CTTNBP2: variants seen among roughly 807,000 people sequenced by gnomAD.
CTTNBP2 encodes the protein cortactin binding protein 2.
Under a neutral mutation model 156.9 loss-of-function variants are expected in CTTNBP2, and 108 were observed. The ratio of observed to expected loss-of-function variants is 0.69; its 90% CI spans 0.59 to 0.81. CTTNBP2 has a LOEUF of 0.81. Ranked by LOEUF, CTTNBP2 falls within the 30% of genes least tolerant of loss-of-function variation. The probability of loss-of-function intolerance (pLI) is 0.00; values close to 1 mark genes in which losing one functional copy is unlikely to be tolerated. For synonymous variants in CTTNBP2, 767 were observed against 751.8 expected (o/e 1.02, Z -0.33); for missense variants, 1,924 against 2,035.4 (o/e 0.95, Z 1.05).
chr7:117,749,965 G>C (rs1365573458), intron 12 of CTTNBP2, among the ~76,000 whole-genome samples: 1 of 152,128 alleles, frequency 6.6e-6, no homozygotes, highest in Non-Finnish European at 1.5e-5. Flanking sequence ...TTTTAAACCG[G>C]AGCTCTTGAG....
chr7:117,856,573 C>T (rs10236898), intron 2 of CTTNBP2, among the ~76,000 whole-genome samples: 4 of 152,070 alleles, frequency 2.6e-5, no homozygotes, highest in African/African-American at 4.8e-5. Context: ...GTTAAACTGG[C>T]TAATTTTTAA....
Position 117,746,069 on chromosome 7 carries a change from C to T in CTTNBP2, c.3379G>A (p.Gly1127Ser), listed in dbSNP as rs1438271487. ...TAGTCTTGCAAGCTTCCTTCTGGGC[C>T]GTGGAAAATGACATTATGATATTGC... ...VEQYHNVIFH[G>S]PEGSLQDYIV... The change falls in exon 13 of 23, where the codon GGC becomes AGC. Residue 1127 changes from glycine (G) to serine (S), a missense_variant. Gly to Ser is a moderately conservative substitution (Grantham distance 56). Coordinates refer to ENST00000160373, the MANE Select transcript of CTTNBP2 (RefSeq NM_033427.3). 1.5e-5 allele frequency: 24 copies of T among 1,613,894 alleles called. No homozygotes were observed. The highest frequency in any genetic ancestry group is 3.3e-5 in the Admixed American group (2 of 59,998).
intron 4 of CTTNBP2, among the ~76,000 whole-genome samples, chr7:117,787,551 GA>G (rs1245091891): frequency 2.0e-5 from 3 of 152,080 alleles, no homozygotes; most frequent in Non-Finnish European, 4.4e-5. Context: ...AATAAAAAAA[GA>G]AAAAACAGAA....
chr7:117,784,212 C>A, intron 5 of CTTNBP2, 39 bp downstream of exon 5: 1 of 1,459,076 alleles, frequency 6.9e-7, no homozygotes, highest in Non-Finnish European at 9.2e-7. Flanking sequence ...ACTTTCCATC[C>A]TTTTGCAAGT....
At chr7:117,745,027 G>A (rs1311829145) in intron 14 of CTTNBP2, among the ~76,000 whole-genome samples, 2 of 152,194 alleles carry the variant, frequency 1.3e-5, no homozygotes, top group African/African-American at 2.4e-5. Context: ...AGCCCTAGGA[G>A]ACTAAAGTCT....
intron 2 of CTTNBP2, among the ~76,000 whole-genome samples, chr7:117,857,863 T>C (rs1258183005): frequency 6.6e-6 from 1 of 152,182 alleles, no homozygotes; most frequent in Non-Finnish European, 1.5e-5. Context: ...GGGGCATTAG[T>C]CACTCAGTTA....
intron 16 of CTTNBP2, among the ~76,000 whole-genome samples, chr7:117,730,889 T>C (rs1015786921): frequency 6.6e-6 from 1 of 152,180 alleles, no homozygotes; most frequent in African/African-American, 2.4e-5. Context: ...AAACATTATT[T>C]TTTCGGTTAG....
chr7:117,786,335 T>A (rs1009927800), intron 4 of CTTNBP2: 2 of 388,898 alleles, frequency 5.1e-6, no homozygotes, highest in African/African-American at 4.3e-5. Flanking sequence ...ATTTTCCTAC[T>A]GATACTCATT....
At chr7:117,850,191 TTAG>T (rs1159045210) in intron 2 of CTTNBP2, among the ~76,000 whole-genome samples, 9 of 152,192 alleles carry the variant, frequency 5.9e-5, no homozygotes, top group Non-Finnish European at 1.2e-4. Context: ...GACTGCTTGA[TTAG>T]TAGAATATAC....
intron 3 of CTTNBP2, among the ~76,000 whole-genome samples, chr7:117,800,561 C>G (rs1232367957): frequency 6.6e-6 from 1 of 151,994 alleles, no homozygotes; most frequent in Non-Finnish European, 1.5e-5. Flanking sequence ...TCATTTTGGC[C>G]TTATACAGCG....
At chr7:117,853,721 T>G (rs2117205519) in intron 2 of CTTNBP2, among the ~76,000 whole-genome samples, 1 of 152,296 alleles carries the variant, frequency 6.6e-6, no homozygotes, top group African/African-American at 2.4e-5. Context: ...CCAGAACGGA[T>G]CAAATGGTAT....
intron 9 of CTTNBP2, among the ~76,000 whole-genome samples, chr7:117,761,110 T>C (rs544763668): frequency 1.3e-5 from 2 of 152,292 alleles, no homozygotes; most frequent in South Asian, 4.1e-4. Context: ...CAGGTCGGGA[T>C]GCTTAGGATA....
chr7:117,852,145 C>T (rs781505798), intron 2 of CTTNBP2, among the ~76,000 whole-genome samples: 3 of 151,886 alleles, frequency 2.0e-5, no homozygotes, highest in Non-Finnish European at 2.9e-5. Context: ...CATAATCTAC[C>T]CTCGCAAATT....
chr7:117,741,223 A>T (rs1180700257), intron 14 of CTTNBP2, among the ~76,000 whole-genome samples: 3 of 152,168 alleles, frequency 2.0e-5, no homozygotes, highest in Non-Finnish European at 4.4e-5. Flanking sequence ...GGAGAGCAGG[A>T]GGAGGAGATA....
intron 8 of CTTNBP2, among the ~76,000 whole-genome samples, chr7:117,776,583 T>G (rs35024777): frequency 0.019 from 2,925 of 152,278 alleles, 42 homozygotes; most frequent in Middle Eastern, 0.054. Context: ...TCCTTTCACC[T>G]GAACCACTCT....
Position 117,728,244 on chromosome 7 carries a change from G to A in CTTNBP2, c.3900C>T (p.Pro1300=). 1 of 1,613,776 alleles carries A rather than the reference G, an allele frequency of 6.2e-7. No individual in the cohort carries two copies. The highest frequency in any genetic ancestry group is 1.1e-5 in the South Asian group (1 of 91,036). The change falls in exon 17 of 23, where the codon CCC becomes CCT. Residue 1300 remains proline (P), a synonymous_variant. Transcript: ENST00000160373. ...VNKFKGQAPS[P]CDPVCKIVDW... is the part of the protein sequence containing the mutation. ...CGACAATCTTGCACACAGGATCGCA[G>A]GGGGAGGGCGCCTGACCTTTGAACT...
chr7:117,850,872 C>T (rs1204889655), intron 2 of CTTNBP2, among the ~76,000 whole-genome samples: 4 of 152,172 alleles, frequency 2.6e-5, no homozygotes, highest in Non-Finnish European at 4.4e-5. Flanking sequence ...ATTTAGCTTA[C>T]ACTCTCTTCC....
chr7:117,787,836 T>G (rs1046311251), intron 4 of CTTNBP2, among the ~76,000 whole-genome samples: 1 of 152,212 alleles, frequency 6.6e-6, no homozygotes, highest in Non-Finnish European at 1.5e-5. Context: ...ATAATTTTTA[T>G]AGATAAAAGC....
intron 6 of CTTNBP2, 29 bp downstream of exon 6, chr7:117,782,833 T>TG (rs750785283): frequency 8.5e-6 from 13 of 1,534,536 alleles, no homozygotes; most frequent in Admixed American, 1.7e-5. Flanking sequence ...CCTTTGATGG[T>TG]GGGAAAAAAA....
Sources: gnomAD v4.1 joint callset for allele counts (sites outside exome capture counted in the v4.1 genomes callset) on GRCh38, gnomAD v4.1.1 for gene constraint, MANE v1.5 for transcripts, NCBI Gene and HGNC (gene_info 2026-07-23, HGNC 2026-07-21) for gene names.